The following PIK3C2G variants were observed in gnomAD, a reference collection of about 807,000 sequenced individuals.
PIK3C2G encodes the protein phosphatidylinositol 3-kinase C2 domain-containing subunit gamma.
Under a neutral mutation model 181.1 loss-of-function variants are expected in PIK3C2G, and 168 were observed. The observed-to-expected ratio is 0.93, with a 90% CI of 0.82 to 1.05. The LOEUF is 1.05. Among genes scored for constraint, PIK3C2G ranks in the 50% least tolerant of loss-of-function variants. PIK3C2G has a pLI of 0.00. For synonymous variants in PIK3C2G, 573 were observed against 592.2 expected (o/e 0.97, Z 0.47); for missense variants, 1,869 against 1,732.8 (o/e 1.08, Z -1.40).
At chr12:18,520,870 C>T (rs1232029784) in intron 24 of PIK3C2G, among the ~76,000 whole-genome samples, 1 of 152,074 alleles carries the variant, frequency 6.6e-6, no homozygotes, top group Non-Finnish European at 1.5e-5. Flanking sequence ...ACAAATTCTT[C>T]GTGAGTTTGT....
At chr12:18,255,216 AAAAT>A (rs59041304) in intron 1 of PIK3C2G, among the ~76,000 whole-genome samples, 4,487 of 131,856 alleles carry the variant, frequency 0.034, 221 homozygotes, top group African/African-American at 0.11. Flanking sequence ...CTCCGTCTCA[AAAAT>A]AAATAAATAA....
At chr12:18,395,931 G>C (rs1445626847) in intron 15 of PIK3C2G, among the ~76,000 whole-genome samples, 1 of 150,382 alleles carries the variant, frequency 6.6e-6, no homozygotes, top group African/African-American at 2.4e-5. Flanking sequence ...AAATATGAAA[G>C]GAAACATAAA....
intron 2 of PIK3C2G, among the ~76,000 whole-genome samples, chr12:18,285,773 C>G (rs1423904995): frequency 6.6e-6 from 1 of 151,394 alleles, no homozygotes; most frequent in Non-Finnish European, 1.5e-5. Context: ...TCAGGAGAAA[C>G]AGAAGAACAG....
chr12:18,500,612 T>C (rs1486812147), intron 22 of PIK3C2G, among the ~76,000 whole-genome samples: 1 of 152,096 alleles, frequency 6.6e-6, no homozygotes, highest in African/African-American at 2.4e-5. Context: ...GGCTCCTGAG[T>C]CTGGTAGGGA....
intron 29 of PIK3C2G, among the ~76,000 whole-genome samples, chr12:18,585,212 A>G (rs190792845): frequency 6.6e-6 from 1 of 152,306 alleles, no homozygotes; most frequent in African/African-American, 2.4e-5. Context: ...TTGAATGTAA[A>G]TGGGCTAAAT....
intron 18 of PIK3C2G, among the ~76,000 whole-genome samples, chr12:18,472,681 A>G (rs1195425851): frequency 1.3e-5 from 2 of 152,044 alleles, no homozygotes; most frequent in Non-Finnish European, 2.9e-5. Context: ...AAAATAGAAA[A>G]GTTTATCTAT....
At chr12:18,613,922 G>T (rs1443496321) in intron 31 of PIK3C2G, among the ~76,000 whole-genome samples, 2 of 152,050 alleles carry the variant, frequency 1.3e-5, no homozygotes, top group Non-Finnish European at 2.9e-5. Context: ...ACAACTGAGG[G>T]TTGTGAAAAT....
At chr12:18,277,721 T>G (rs1949043322) in intron 1 of PIK3C2G, among the ~76,000 whole-genome samples, 1 of 152,178 alleles carries the variant, frequency 6.6e-6, no homozygotes, top group Admixed American at 6.5e-5. Flanking sequence ...ACATTTTTGT[T>G]CCTATTCTGA....
Position 18,301,889 on chromosome 12 carries a change from A to G in PIK3C2G, c.1034+7874A>G, listed in dbSNP as rs190082192. 1.1e-4 allele frequency among the ~76,000 whole-genome samples: 17 copies of G among 152,262 alleles called. No homozygotes were observed. In the East Asian group the frequency reaches 2.3e-3, roughly 21 times the overall value. ...GAGGAAGACTTTTTCCTACAGATAC[A>G]TCTATAGTGTGGGTGGGTATACAAC... On this transcript the variant is annotated intron_variant, in intron 5 of 32. Transcript: ENST00000538779.
At chr12:18,655,372 T>C in the PIK3C2G span, among the ~76,000 whole-genome samples, 1 of 152,020 alleles carries the variant, frequency 6.6e-6, no homozygotes, top group Non-Finnish European at 1.5e-5. Context: ...GCCTGAAGTA[T>C]AAAATAGTTA....
intron 31 of PIK3C2G, among the ~76,000 whole-genome samples, chr12:18,618,752 G>T (rs1235851500): frequency 6.6e-6 from 1 of 151,952 alleles, no homozygotes; most frequent in Non-Finnish European, 1.5e-5. Context: ...GAAATTATTG[G>T]CAAGAAATAA....
intron 10 of PIK3C2G, among the ~76,000 whole-genome samples, chr12:18,344,892 G>T (rs1027362388): frequency 1.3e-5 from 2 of 152,084 alleles, no homozygotes; most frequent in Non-Finnish European, 2.9e-5. Context: ...CAGAGTTCAG[G>T]AAGTAAAACA....
chr12:18,719,294 AAAAAT>A, the PIK3C2G span: 1 of 464,676 alleles, frequency 2.2e-6, no homozygotes, highest in East Asian at 3.5e-5. Context: ...ATGTACAAGT[AAAAAT>A]TTCTATTCCC....
the PIK3C2G span, chr12:18,688,363 T>C: frequency 3.9e-6 from 3 of 775,210 alleles, no homozygotes; most frequent in Admixed American, 6.0e-5. Context: ...CAATACAAAT[T>C]TTAAAATTTA....
the PIK3C2G span, among the ~76,000 whole-genome samples, chr12:18,710,345 G>T: frequency 6.6e-6 from 1 of 151,474 alleles, no homozygotes; most frequent in African/African-American, 2.4e-5. Flanking sequence ...CATATAAAGG[G>T]GGAATAGCAA....
chr12:18,248,800 A>T (rs551668268), intron 1 of PIK3C2G, among the ~76,000 whole-genome samples: 1 of 152,274 alleles, frequency 6.6e-6, no homozygotes, highest in East Asian at 1.9e-4. Flanking sequence ...TACTCAACAT[A>T]AATGTGTTTT....
At chr12:18,409,977 T>C (rs1368179141) in intron 16 of PIK3C2G, among the ~76,000 whole-genome samples, 1 of 151,900 alleles carries the variant, frequency 6.6e-6, no homozygotes, top group Non-Finnish European at 1.5e-5. Flanking sequence ...TAGAACTCTA[T>C]CACTAGAACA....
chr12:18,421,244 T>TA (rs1565703520), intron 17 of PIK3C2G, among the ~76,000 whole-genome samples: 2 of 151,788 alleles, frequency 1.3e-5, no homozygotes, highest in African/African-American at 4.8e-5. Context: ...GAAAATTTTT[T>TA]AAAAATGATT....
chr12:18,303,152 C>CTTTCTTTTCTT (rs1323074371), intron 5 of PIK3C2G, among the ~76,000 whole-genome samples: 1 of 72,712 alleles, frequency 1.4e-5, no homozygotes, highest in East Asian at 5.1e-4. Context: ...TCTTTTCTTT[C>CTTTCTTTTCTT]TTCTTTCTCT....
Sources: gnomAD v4.1 joint callset for allele counts (sites outside exome capture counted in the v4.1 genomes callset) on GRCh38, gnomAD v4.1.1 for gene constraint, MANE v1.5 for transcripts, NCBI Gene and HGNC (gene_info 2026-07-23, HGNC 2026-07-21) for gene names.